Variants in ARL13B observed in about 807,000 individuals in gnomAD.
The protein encoded by ARL13B is ARF like GTPase 13B.
A neutral mutation model predicts 56.1 loss-of-function variants in ARL13B; 36 were observed. The ratio of observed to expected loss-of-function variants is 0.64; its 90% CI spans 0.49 to 0.85. The LOEUF is 0.85. Among genes scored for constraint, ARL13B ranks in the 40% least tolerant of loss-of-function variants. ARL13B has a pLI of 0.00. For missense variants in ARL13B, 519 were observed against 507.1 expected, an observed-to-expected ratio of 1.02 and a Z score of -0.23; for synonymous variants, 178 against 171.1, an observed-to-expected ratio of 1.04 and a Z score of -0.32.
At chr3:94,002,424 T>A (rs1575954184) in intron 2 of ARL13B, among the ~76,000 whole-genome samples, 1 of 152,344 alleles carries the variant, frequency 6.6e-6, no homozygotes, top group East Asian at 1.9e-4. Flanking sequence ...AACTGAATTT[T>A]AAATTTTATT....
At chr3:94,005,870 A>C (rs1296781510) in intron 3 of ARL13B, among the ~76,000 whole-genome samples, 1 of 152,178 alleles carries the variant, frequency 6.6e-6, no homozygotes. Context: ...GATATTTAAT[A>C]GTTGTGCATA....
intron 2 of ARL13B, among the ~76,000 whole-genome samples, chr3:94,002,119 G>A (rs2076065386): frequency 6.6e-6 from 1 of 152,110 alleles, no homozygotes; most frequent in African/African-American, 2.4e-5. Flanking sequence ...CTTTGTAATA[G>A]CAAATGTTTT....
In ARL13B at chr3:94,055,126, T is replaced by G. The variant is rs971201845; in HGVS notation, c.*1863T>G. On this transcript the variant is annotated 3_prime_UTR_variant, in exon 10 of 10. Transcript: ENST00000394222. ...TTTATATAGCTCTCTCAAAAATTAA[T>G]TTTTATTCCTTAAGCATTTTAAAAA... is the stretch of plus-strand genomic sequence containing the variant. 2 of 366,282 alleles carry G rather than the reference T, an allele frequency of 5.5e-6. No individual in the cohort carries two copies. Among genetic ancestry groups the G allele is most frequent in the Non-Finnish European group, 1.0e-5 (2 of 191,512 alleles). The allele number at this position is 366,282 out of a possible 1,614,324, so 22.7% of individuals were successfully genotyped here.
At chr3:93,987,470 T>G (rs1235663449) in intron 1 of ARL13B, among the ~76,000 whole-genome samples, 2 of 152,200 alleles carry the variant, frequency 1.3e-5, no homozygotes, top group African/African-American at 4.8e-5. Context: ...GCTAAAGTGA[T>G]GTAAAACAGA....
At chr3:94,051,600 T>A (rs1476549813) in intron 9 of ARL13B, among the ~76,000 whole-genome samples, 3 of 152,094 alleles carry the variant, frequency 2.0e-5, no homozygotes, top group Non-Finnish European at 4.4e-5. Flanking sequence ...CTAGGTCCCT[T>A]CAGTAAAATA....
chr3:94,015,310 C>T, intron 3 of ARL13B: 1 of 1,487,442 alleles, frequency 6.7e-7, no homozygotes, highest in Non-Finnish European at 8.9e-7. Context: ...TTGTGTTGAA[C>T]AAGTAGAAAT....
chr3:94,008,714 T>C (rs1294514921), intron 3 of ARL13B, among the ~76,000 whole-genome samples: 1 of 152,162 alleles, frequency 6.6e-6, no homozygotes, highest in Non-Finnish European at 1.5e-5. Context: ...CCCTTCTTTT[T>C]ATAGTTGAAT....
At chr3:94,041,812 C>T (rs891886025) in intron 6 of ARL13B, among the ~76,000 whole-genome samples, 2 of 152,148 alleles carry the variant, frequency 1.3e-5, no homozygotes, top group East Asian at 1.9e-4. Flanking sequence ...CGGTGGCTCA[C>T]GCCTGTAATC....
chr3:94,036,055 A>G (rs1411959564), intron 4 of ARL13B, among the ~76,000 whole-genome samples: 1 of 152,214 alleles, frequency 6.6e-6, no homozygotes, highest in East Asian at 1.9e-4. Flanking sequence ...CCTGGCCAAC[A>G]GAATGAGACA....
chr3:93,995,184 G>A (rs2075944709), intron 1 of ARL13B, among the ~76,000 whole-genome samples: 1 of 152,132 alleles, frequency 6.6e-6, no homozygotes, highest in Non-Finnish European at 1.5e-5. Flanking sequence ...CTTTATACCT[G>A]TCCCACATTT....
chr3:94,053,165 T>C, intron 9 of ARL13B, 22 bp from the exon 10 acceptor site: 12 of 1,597,946 alleles, frequency 7.5e-6, no homozygotes, highest in Non-Finnish European at 1.0e-5. Context: ...TTTTGTGCAT[T>C]TGGTTTTCTT....
chr3:94,007,796 G>A (rs2076159264), intron 3 of ARL13B, among the ~76,000 whole-genome samples: 1 of 152,178 alleles, frequency 6.6e-6, no homozygotes, highest in Admixed American at 6.5e-5. Context: ...CAGACTGGAG[G>A]TTTTTCTTGA....
intron 3 of ARL13B, among the ~76,000 whole-genome samples, chr3:94,017,057 C>G (rs2076349222): frequency 1.3e-5 from 2 of 152,100 alleles, no homozygotes; most frequent in Non-Finnish European, 2.9e-5. Context: ...GAGCAAATTG[C>G]AAGGGTAAGG....
At chr3:94,029,162 T>A (rs1464522059) in intron 3 of ARL13B, among the ~76,000 whole-genome samples, 1 of 150,776 alleles carries the variant, frequency 6.6e-6, no homozygotes, top group Non-Finnish European at 1.5e-5. Context: ...CAAAATTAAT[T>A]TATACCAGAG....
intron 7 of ARL13B, among the ~76,000 whole-genome samples, chr3:94,048,717 G>A (rs1197301117): frequency 4.0e-5 from 6 of 151,662 alleles, no homozygotes; most frequent in African/African-American, 1.2e-4. Flanking sequence ...TCAGCCTCCT[G>A]AATAGTTGGG....
rs1367749026 is a variant in ARL13B at position 94,054,259 on chromosome 3, T to C, written c.*996T>C. 3 of 452,120 alleles carry C rather than the reference T, an allele frequency of 6.6e-6. No homozygotes were observed. The highest frequency in any genetic ancestry group is 1.3e-5 in the Non-Finnish European group (3 of 225,714). The allele number at this position is 452,120 out of a possible 1,614,324, so 28.0% of individuals were successfully genotyped here. ...TACTGCAGGTCCAGAGACTTCTGTT[T>C]TACAACTGGGAAACAGCTTGTGTAC... On this transcript the variant is annotated 3_prime_UTR_variant, in exon 10 of 10. Coordinates refer to ENST00000394222, the MANE Select transcript of ARL13B (RefSeq NM_001174150.2).
chr3:93,996,937 G>A lies in ARL13B; in HGVS notation c.130+993G>A, dbSNP rs535231958. Among the ~76,000 whole-genome samples, 7 of 152,098 alleles carry A rather than the reference G, an allele frequency of 4.6e-5. No individual in the cohort carries two copies. The South Asian group carries it at 1.0e-3, about 23-fold the overall frequency. On this transcript the variant is annotated intron_variant, in intron 2 of 9. Transcript: ENST00000394222. ...TTACTCACATTACTGCCTGAACATT[G>A]CCCCCTGTCAGATCAGTGGTGGCAT...
intron 1 of ARL13B, among the ~76,000 whole-genome samples, chr3:93,983,463 C>T (rs1016754623): frequency 2.6e-5 from 4 of 151,998 alleles, no homozygotes; most frequent in Non-Finnish European, 5.9e-5. Context: ...TTTATTGTTC[C>T]TAAGTTTATC....
In ARL13B at chr3:94,054,900, GA is replaced by G; in HGVS notation, c.*1641del. ...TAAACTTTGAAAAGGATTTTAGAGG[GA>G]AAATTGCATAGCTTTTTGTAACATT... On this transcript the variant is annotated 3_prime_UTR_variant, in exon 10 of 10. Coordinates refer to ENST00000394222, the MANE Select transcript of ARL13B (RefSeq NM_001174150.2). 3.7e-6 allele frequency: 1 copy of G among 271,272 alleles called. No individual in the cohort carries two copies. The highest frequency in any genetic ancestry group is 7.3e-6 in the Non-Finnish European group (1 of 136,698). The allele number at this position is 271,272 out of a possible 1,614,324, so 16.8% of individuals were successfully genotyped here. A position where few individuals can be genotyped will look rare whatever the true frequency, so the allele number is the denominator to read the frequency against.
Sources: allele counts gnomAD v4.1 joint callset (sites outside exome capture counted in the v4.1 genomes callset), GRCh38; gene constraint gnomAD v4.1.1; transcripts MANE v1.5; gene names NCBI Gene and HGNC (gene_info 2026-07-23, HGNC 2026-07-21).